The following FMN2 variants were observed in gnomAD, a reference collection of about 807,000 sequenced individuals.
The protein encoded by FMN2 is formin-2.
In FMN2, 51 loss-of-function variants were observed where a neutral mutation model predicts 142.3. That is an observed-to-expected ratio of 0.36 (90% CI 0.29 to 0.45). The LOEUF is 0.45. FMN2 is among the 20% of genes least tolerant of loss of function. The probability of loss-of-function intolerance (pLI) is 1.00; values close to 1 mark genes in which losing one functional copy is unlikely to be tolerated. For missense variants in FMN2, 1,936 were observed against 2,122.8 expected (o/e 0.91, Z 1.73); for synonymous variants, 882 against 869.8 (o/e 1.01, Z -0.25).
intron 15 of FMN2, among the ~76,000 whole-genome samples, chr1:240,437,269 G>T (rs982921564): frequency 2.7e-5 from 4 of 150,372 alleles, no homozygotes; most frequent in African/African-American, 9.8e-5. Context: ...GTCTCTGATA[G>T]GAGACTTTGT....
intron 16 of FMN2, among the ~76,000 whole-genome samples, chr1:240,451,464 A>T (rs1339035267): frequency 6.6e-6 from 1 of 152,066 alleles, no homozygotes; most frequent in African/African-American, 2.4e-5. Flanking sequence ...TTAGGTCAGT[A>T]CCAACTCTTT....
At chr1:240,399,148 T>G (rs1429910551) in intron 15 of FMN2, among the ~76,000 whole-genome samples, 2 of 152,120 alleles carry the variant, frequency 1.3e-5, no homozygotes, top group African/African-American at 4.8e-5. Flanking sequence ...AGAAAAACAA[T>G]GTCCACATTA....
chr1:240,181,726 G>C (rs1665162750), intron 3 of FMN2, among the ~76,000 whole-genome samples: 1 of 152,124 alleles, frequency 6.6e-6, no homozygotes, highest in South Asian at 2.1e-4. Context: ...TTCCCATGTT[G>C]GTGGCATTAA....
At chr1:240,312,429 A>T (rs1427206036) in intron 8 of FMN2, among the ~76,000 whole-genome samples, 1 of 152,168 alleles carries the variant, frequency 6.6e-6, no homozygotes, top group Non-Finnish European at 1.5e-5. Context: ...AATGCTTGTA[A>T]ACCTAGACAT....
chr1:240,147,319 CT>C (rs1443000620), intron 2 of FMN2, among the ~76,000 whole-genome samples: 2 of 152,152 alleles, frequency 1.3e-5, no homozygotes, highest in Non-Finnish European at 2.9e-5. Context: ...GACTCTACAT[CT>C]TGTGCCCTTT....
Position 240,144,617 on chromosome 1 carries a change from C to G in FMN2, c.1782+21272C>G. 3 of 1,296,750 alleles carry G rather than the reference C, an allele frequency of 2.3e-6. No homozygotes were observed. The South Asian group carries it at 3.5e-5, about 15-fold the overall frequency. The allele number at this position is 1,296,750 out of a possible 1,614,324, so 80.3% of individuals were successfully genotyped here. ...AAAGCGGCTAAACTTTCAGAACACA[C>G]CCAGGGCACAACGCAGTAGGACTGA... On this transcript the variant is annotated intron_variant, in intron 2 of 17. Coordinates refer to ENST00000319653, the MANE Select transcript of FMN2 (RefSeq NM_020066.5).
intron 14 of FMN2, among the ~76,000 whole-genome samples, chr1:240,374,188 C>T (rs936696655): frequency 6.6e-6 from 1 of 152,130 alleles, no homozygotes; most frequent in African/African-American, 2.4e-5. Context: ...TGCTGTCATC[C>T]AGGCTTTGTT....
chr1:240,306,279 C>T (rs532188727), intron 8 of FMN2, among the ~76,000 whole-genome samples: 6 of 152,080 alleles, frequency 3.9e-5, no homozygotes, highest in Non-Finnish European at 8.8e-5. Flanking sequence ...TTTTTAAAAT[C>T]CATTTTAATT....
intron 2 of FMN2, among the ~76,000 whole-genome samples, chr1:240,157,218 C>T (rs1260708177): frequency 1.3e-5 from 2 of 152,118 alleles, no homozygotes; most frequent in African/African-American, 4.8e-5. Flanking sequence ...ATAACTTTAA[C>T]GTTTCATGCT....
chr1:240,177,152 C>T (rs542844532), intron 2 of FMN2, among the ~76,000 whole-genome samples: 1 of 152,120 alleles, frequency 6.6e-6, no homozygotes, highest in South Asian at 2.1e-4. Context: ...TGAGCATATG[C>T]ATCCTAAAAT....
chr1:240,307,459 A>T (rs915152864), intron 8 of FMN2, among the ~76,000 whole-genome samples: 1 of 152,180 alleles, frequency 6.6e-6, no homozygotes, highest in African/African-American at 2.4e-5. Context: ...ATTCTTCTGC[A>T]TATGGTTAGC....
intron 2 of FMN2, among the ~76,000 whole-genome samples, chr1:240,152,618 G>T (rs1034735045): frequency 2.0e-5 from 3 of 152,136 alleles, no homozygotes; most frequent in Non-Finnish European, 4.4e-5. Context: ...TGGCCCTGTT[G>T]CCTGTGCCTA....
intron 15 of FMN2, among the ~76,000 whole-genome samples, chr1:240,404,924 T>G (rs2103115423): frequency 6.6e-6 from 1 of 152,320 alleles, no homozygotes; most frequent in African/African-American, 2.4e-5. Context: ...CAGTCTTGGT[T>G]GATAATTATA....
chr1:240,409,068 G>A (rs542487077), intron 15 of FMN2, among the ~76,000 whole-genome samples: 1 of 152,140 alleles, frequency 6.6e-6, no homozygotes, highest in East Asian at 1.9e-4. Context: ...GTTTTGTCCG[G>A]TGCCCTATTT....
intron 12 of FMN2, 39 bp from the exon 13 acceptor site, chr1:240,334,070 C>T (rs911202655): frequency 1.3e-6 from 2 of 1,570,426 alleles, no homozygotes; most frequent in Non-Finnish European, 1.7e-6. Context: ...ATATTGATAA[C>T]CAATTTCTTT....
intron 4 of FMN2, among the ~76,000 whole-genome samples, chr1:240,192,380 A>G (rs1359865257): frequency 6.6e-6 from 1 of 152,236 alleles, no homozygotes; most frequent in African/African-American, 2.4e-5. Context: ...TGGAGACTTA[A>G]TAAAACAAGC....
intron 2 of FMN2, among the ~76,000 whole-genome samples, chr1:240,167,572 T>C (rs1348983413): frequency 1.3e-5 from 2 of 152,224 alleles, no homozygotes; most frequent in Admixed American, 1.3e-4. Context: ...AAATAAGCCC[T>C]TTTATTTAAA....
At chr1:240,336,483 T>C (rs1671558957) in intron 13 of FMN2, among the ~76,000 whole-genome samples, 1 of 147,292 alleles carries the variant, frequency 6.8e-6, no homozygotes, top group Admixed American at 7.0e-5. Context: ...TTTGATAGAA[T>C]TGTTGAAATG....
chr1:240,170,416 C>A, intron 2 of FMN2: 1 of 1,255,992 alleles, frequency 8.0e-7, no homozygotes, highest in Non-Finnish European at 1.2e-6. Flanking sequence ...AGTTGCTAAG[C>A]TGAAGGCGGG....
Sources: allele counts gnomAD v4.1 joint callset (sites outside exome capture counted in the v4.1 genomes callset), GRCh38; gene constraint gnomAD v4.1.1; transcripts MANE v1.5; gene names NCBI Gene and HGNC (gene_info 2026-07-23, HGNC 2026-07-21).